The following ZNF557 variants were observed in gnomAD, a reference collection of about 807,000 sequenced individuals.
ZNF557 encodes the protein CTB-25J19.9.
ZNF557 carries 19 observed loss-of-function variants against 21.2 expected under a neutral mutation model. The observed-to-expected ratio is 0.90, with a 90% CI of 0.63 to 1.32. ZNF557 has a LOEUF of 1.32. ZNF557 is among the 40% of genes most tolerant of loss of function. ZNF557 has a pLI of 0.00. For missense variants in ZNF557, 487 were observed against 519.8 expected (o/e 0.94, Z 0.61); for synonymous variants, 207 against 194.8 (o/e 1.06, Z -0.52).
At chr19:7,077,925 T>A (rs2967663) in intron 5 of ZNF557, among the ~76,000 whole-genome samples, 1 of 151,860 alleles carries the variant, frequency 6.6e-6, no homozygotes. Flanking sequence ...TCTTTTCTTG[T>A]GCTTGTTGGC....
chr19:7,073,730 C>G (rs1977511697), intron 2 of ZNF557, among the ~76,000 whole-genome samples: 1 of 152,108 alleles, frequency 6.6e-6, no homozygotes, highest in Non-Finnish European at 1.5e-5. Context: ...TCAGTCCTCT[C>G]CCAATCCTTC....
rs1343307885 is a variant in ZNF557, at chr19:7,079,432, A to ATGG, written c.248-1928_248-1927insTGG. Among the ~76,000 whole-genome samples the ATGG allele has an allele frequency of 9.0e-3, 1,369 of 151,312 alleles. 12 individuals carry two copies. The highest frequency in any genetic ancestry group is 0.024 in the South Asian group (115 of 4,786). ...AATTTTTTATATATTTAGTAGAGAC[A>ATGG]GGGTTCACCGTGTTAGCCAGGATGA... is the stretch of plus-strand genomic sequence containing the variant. On this transcript the variant is annotated intron_variant, in intron 5 of 7. Coordinates refer to ENST00000252840, the MANE Select transcript of ZNF557 (RefSeq NM_024341.3).
At chr19:7,080,001 C>G (rs1977666750) in intron 5 of ZNF557, among the ~76,000 whole-genome samples, 1 of 152,020 alleles carries the variant, frequency 6.6e-6, no homozygotes, top group Non-Finnish European at 1.5e-5. Context: ...ATGAGCATGG[C>G]CTTCTAGAAA....
In ZNF557 at chr19:7,083,048, G is replaced by C. The variant is rs1023375546; in HGVS notation, c.597G>C (p.Lys199Asn). Residue 199 changes from lysine (K) to asparagine (N), a missense_variant, in exon 8 of 8, where the codon AAG (lysine) becomes AAC (asparagine). Lys to Asn is a moderately conservative substitution (Grantham distance 94). Transcript: ENST00000252840. ...YSSRSYLAVH[K>N]RIHNGEKPYE... is the part of the protein sequence containing the mutation. ...GTAGATCTTACCTTGCTGTTCATAAGAGAATCCACAATGGGGAGAAACCCT... is the reference window on the plus strand; with the variant it reads ...GTAGATCTTACCTTGCTGTTCATAACAGAATCCACAATGGGGAGAAACCCT... 1 of 1,613,994 alleles carries C rather than the reference G, an allele frequency of 6.2e-7. No individual in the cohort carries two copies.
chr19:7,076,159 G>A (rs985657042), intron 4 of ZNF557, among the ~76,000 whole-genome samples: 19 of 152,130 alleles, frequency 1.2e-4, no homozygotes, highest in Non-Finnish European at 2.4e-4. Context: ...GCTGCTCTGC[G>A]GTACTGTGCG....
chr19:7,087,870 C>CA lies in ZNF557; in HGVS notation c.*4129dup. 6.7e-6 allele frequency: 1 copy of CA among 149,560 alleles called. No homozygotes were observed. 9.3% of individuals were successfully genotyped at this position (149,560 alleles called of 1,614,324 possible). On this transcript the variant is annotated 3_prime_UTR_variant, in exon 8 of 8. Transcript: ENST00000252840. ...TGGATACAGGATGGACATACGTACT[C>CA]AAACTGTGTTTTTCAATTTGTACTG...
Position 7,083,628 on chromosome 19 carries a change from A to C in ZNF557, c.1177A>C (p.Lys393Gln). ...CTTTAATGTTCTCTCATCCGTTAAGAAACACATGAGAACTCACACTGGAAA... is the reference window on the plus strand; with the variant it reads ...CTTTAATGTTCTCTCATCCGTTAAGCAACACATGAGAACTCACACTGGAAA... The part of the protein sequence containing the change: ...KSFNVLSSVK[K>Q]HMRTHTGKKP... Residue 393 changes from lysine (K) to glutamine (Q), a missense_variant, in exon 8 of 8, where the codon AAA becomes CAA. Lys to Gln is a moderately conservative substitution (Grantham distance 53, BLOSUM62 1). Transcript: ENST00000252840. The C allele has an allele frequency of 6.2e-7, 1 of 1,614,096 alleles. No individual in the cohort carries two copies. Among genetic ancestry groups the C allele is most frequent in the Non-Finnish European group, 8.5e-7 (1 of 1,179,956 alleles).
At chr19:7,071,958 A>T (rs1386355578) in intron 2 of ZNF557, among the ~76,000 whole-genome samples, 1 of 151,086 alleles carries the variant, frequency 6.6e-6, no homozygotes, top group African/African-American at 2.4e-5. Context: ...ACAAAAAAAA[A>T]AAAAAAGATT....
chr19:7,071,910 C>T (rs898183847), intron 2 of ZNF557, among the ~76,000 whole-genome samples: 1 of 148,496 alleles, frequency 6.7e-6, no homozygotes, highest in Non-Finnish European at 1.5e-5. Flanking sequence ...TCGAGACCAT[C>T]CTGGCTAACG....
Position 7,081,364 on chromosome 19 carries a change from C to A in ZNF557, c.252C>A (p.Asn84Lys). 1 of 1,612,944 alleles carries A rather than the reference C, an allele frequency of 6.2e-7. No individual in the cohort carries two copies. Among genetic ancestry groups the A allele is most frequent in the Non-Finnish European group, 8.5e-7 (1 of 1,179,136 alleles). The stretch of plus-strand genomic sequence containing the variant: ...GTGTCTTTTCTCCATGTACAGGGAA[C>A]CAAGTTGATAAACCTAGGCTGATCT... The part of the protein sequence containing the change: ...ENCRNLASLG[N>K]QVDKPRLISQ... Residue 84 changes from asparagine to lysine, a missense_variant, in exon 6 of 8, where the codon AAC becomes AAA. By Grantham distance (94) the Asn-to-Lys change is moderately conservative. Coordinates refer to ENST00000252840, the MANE Select transcript of ZNF557 (RefSeq NM_024341.3).
chr19:7,079,710 T>C (rs1977663140), intron 5 of ZNF557, among the ~76,000 whole-genome samples: 2 of 152,206 alleles, frequency 1.3e-5, no homozygotes, highest in African/African-American at 4.8e-5. Context: ...AACGTCTGTA[T>C]TGGTCATGTG....
At chr19:7,079,527 A>G (rs1191373447) in intron 5 of ZNF557, among the ~76,000 whole-genome samples, 1 of 152,036 alleles carries the variant, frequency 6.6e-6, no homozygotes, top group African/African-American at 2.4e-5. Context: ...GCCATGAGCC[A>G]CCGCGCCCGG....
chr19:7,076,634 G>A, intron 5 of ZNF557, 127 bp downstream of exon 5: 2 of 1,413,534 alleles, frequency 1.4e-6, no homozygotes, highest in Non-Finnish European at 9.4e-7. Context: ...TGTCCAATTT[G>A]GTGGCTTTTC....
At chr19:7,078,126 T>C (rs189077861) in intron 5 of ZNF557, among the ~76,000 whole-genome samples, 508 of 152,300 alleles carry the variant, frequency 3.3e-3, no homozygotes, top group Non-Finnish European at 5.5e-3. Context: ...TGAATGATAG[T>C]TTTGCAGGAG....
chr19:7,075,839 G>A (rs1977578080), intron 4 of ZNF557, 96 bp downstream of exon 4: 6 of 1,541,238 alleles, frequency 3.9e-6, no homozygotes, highest in Non-Finnish European at 5.3e-6. Flanking sequence ...GGCCAAACTT[G>A]TTCCTCAGGC....
intron 7 of ZNF557, 28 bp from the exon 8 acceptor site, chr19:7,082,850 G>A: frequency 6.6e-7 from 1 of 1,526,390 alleles, no homozygotes; most frequent in Non-Finnish European, 8.8e-7. Context: ...ATTATAAATG[G>A]TACTTATTGT....
chr19:7,081,480 C>T, intron 6 of ZNF557, 25 bp downstream of exon 6: 1 of 1,512,924 alleles, frequency 6.6e-7, no homozygotes. Context: ...GATATAAGTC[C>T]TTGTGAGGAA....
chr19:7,078,519 C>G (rs1371875163), intron 5 of ZNF557, among the ~76,000 whole-genome samples: 1 of 151,674 alleles, frequency 6.6e-6, no homozygotes, highest in Non-Finnish European at 1.5e-5. Context: ...CAACCTCTGC[C>G]TCCTGGGTTC....
rs760851655 is a variant in ZNF557 at position 7,075,701 on chromosome 19, G to A, written c.78G>A (p.Glu26=). The A allele has an allele frequency of 6.2e-6, 10 of 1,613,620 alleles. No individual in the cohort carries two copies. The highest frequency in any genetic ancestry group is 5.9e-6 in the Non-Finnish European group (7 of 1,179,722). The part of the protein sequence containing the change: ...FPASQREGHT[E]GGELVNELLK... The stretch of plus-strand genomic sequence containing the variant: ...CCTCTCAGCGAGAAGGACACACAGA[G>A]GGCGGAGAGCTGGTTAATGAGCTCC... The change falls in exon 4 of 8, where the codon GAG becomes GAA. Residue 26 remains glutamate (E), a synonymous_variant. Transcript: ENST00000252840.
Sources: allele counts gnomAD v4.1 joint callset (sites outside exome capture counted in the v4.1 genomes callset), GRCh38; gene constraint gnomAD v4.1.1; transcripts MANE v1.5; gene names NCBI Gene and HGNC (gene_info 2026-07-23, HGNC 2026-07-21).